POLR3B: variants seen among roughly 807,000 people sequenced by gnomAD.
The protein encoded by POLR3B is DNA-directed RNA polymerase III subunit RPC2.
A neutral mutation model predicts 147.4 loss-of-function variants in POLR3B; 96 were observed. That is an observed-to-expected ratio of 0.65 (90% CI 0.55 to 0.77). The LOEUF (loss-of-function observed/expected upper bound fraction) is 0.77. Among genes scored for constraint, POLR3B ranks in the 30% least tolerant of loss-of-function variants. The probability of loss-of-function intolerance (pLI) is 0.00; values close to 1 mark genes in which losing one functional copy is unlikely to be tolerated. For missense variants in POLR3B, 1,036 were observed against 1,413.5 expected (o/e 0.73, Z 4.28); for synonymous variants, 461 against 485.9 (o/e 0.95, Z 0.67).
intron 9 of POLR3B, among the ~76,000 whole-genome samples, chr12:106,383,977 CAAA>C (rs796136154): frequency 9.2e-6 from 1 of 108,256 alleles, no homozygotes; most frequent in African/African-American, 3.3e-5. Flanking sequence ...GACTCCATCT[CAAA>C]AAAAAAAAAG....
rs144733959 is a variant in POLR3B at position 106,416,588 on chromosome 12, G to T, written c.1101+5628G>T. 6.6e-5 allele frequency among the ~76,000 whole-genome samples: 10 copies of T among 152,258 alleles called. No individual in the cohort carries two copies. The East Asian group carries it at 1.9e-3, about 29-fold the overall frequency. On this transcript the variant is annotated intron_variant, in intron 12 of 27. Transcript: ENST00000228347. ...CAGCAGACCTGAGCTTCAGATGTAGGTTTCAAAGTTTTTAAAGCATGAACT... is the reference window on the plus strand; with the variant it reads ...CAGCAGACCTGAGCTTCAGATGTAGTTTTCAAAGTTTTTAAAGCATGAACT...
At chr12:106,443,612 G>A (rs1005614566) in intron 18 of POLR3B, among the ~76,000 whole-genome samples, 3 of 151,646 alleles carry the variant, frequency 2.0e-5, no homozygotes, top group African/African-American at 7.3e-5. Flanking sequence ...CCGTCTCCTG[G>A]GTTCAAGCAA....
At chr12:106,401,041 G>A (rs1593020030) in intron 10 of POLR3B, among the ~76,000 whole-genome samples, 2 of 152,070 alleles carry the variant, frequency 1.3e-5, no homozygotes, top group Non-Finnish European at 2.9e-5. Flanking sequence ...CCAGCAGCTG[G>A]TTTTTTGAAA....
chr12:106,464,645 C>T (rs564144248), intron 23 of POLR3B, among the ~76,000 whole-genome samples: 8 of 152,076 alleles, frequency 5.3e-5, no homozygotes, highest in Non-Finnish European at 1.0e-4. Flanking sequence ...TAACATTGAC[C>T]ATCTTTTTTT....
rs1376714907 is a variant in POLR3B at position 106,376,398 on chromosome 12, A to G, written c.444A>G (p.Thr148=). 8 of 1,613,620 alleles carry G rather than the reference A, an allele frequency of 5.0e-6. No individual in the cohort carries two copies. Among genetic ancestry groups the G allele is most frequent in the Non-Finnish European group, 6.8e-6 (8 of 1,179,812 alleles). ...TACGTAGTTCAAACTGTGTTCTTAC[A>G]GGAAAAACGCCAGCAGAATTTGCCA... The part of the protein sequence containing the change: ...IMLRSSNCVL[T]GKTPAEFAKL... Residue 148 remains threonine, a synonymous_variant, in exon 7 of 28, where the codon ACA becomes ACG. Transcript: ENST00000228347.
chr12:106,376,227 T>C (rs2036676525), intron 6 of POLR3B, 132 bp from the exon 7 acceptor site: 3 of 699,990 alleles, frequency 4.3e-6, no homozygotes, highest in Non-Finnish European at 7.7e-6. Flanking sequence ...AATTGCTATT[T>C]CTCTGCCTTT....
intron 24 of POLR3B, 106 bp downstream of exon 24, chr12:106,496,264 C>T: frequency 2.5e-6 from 2 of 789,182 alleles, no homozygotes; most frequent in Non-Finnish European, 4.6e-6. Context: ...GCTGTTTTTT[C>T]AGGTAGAGCT....
chr12:106,381,012 A>C (rs1238836663), intron 9 of POLR3B, among the ~76,000 whole-genome samples: 1 of 152,226 alleles, frequency 6.6e-6, no homozygotes, highest in African/African-American at 2.4e-5. Context: ...GTTATGTATA[A>C]AAAATATATG....
chr12:106,435,639 T>C (rs1171115558), intron 16 of POLR3B, among the ~76,000 whole-genome samples: 1 of 152,050 alleles, frequency 6.6e-6, no homozygotes, highest in Non-Finnish European at 1.5e-5. Context: ...GGCTGTAAAA[T>C]GGAAACAATA....
intron 21 of POLR3B, 109 bp from the exon 22 acceptor site, chr12:106,459,142 G>T: frequency 1.3e-6 from 1 of 745,564 alleles, no homozygotes; most frequent in Non-Finnish European, 2.5e-6. Context: ...TCCTACCGCA[G>T]CCTCCTGAGT....
chr12:106,471,945 C>T (rs2038098545), intron 23 of POLR3B, among the ~76,000 whole-genome samples: 1 of 149,422 alleles, frequency 6.7e-6, no homozygotes, highest in Admixed American at 6.7e-5. Context: ...ATGTGCCATG[C>T]TGGTGCGCTG....
At position 106,477,711 on chromosome 12, in the gene POLR3B, C is replaced by T. The variant is rs1224543601; in HGVS notation, c.2713+14091C>T. Among the ~76,000 whole-genome samples the T allele has an allele frequency of 3.9e-5, 6 of 152,036 alleles. No homozygotes were observed. The East Asian group carries it at 1.2e-3, about 29-fold the overall frequency. On this transcript the variant is annotated intron_variant, in intron 23 of 27. Transcript: ENST00000228347. The stretch of plus-strand genomic sequence containing the variant: ...CTTCCCAGGTGAGGCAATGCCTCAC[C>T]CTGCTTCGGCTCGCGCAGGGTACGC...
intron 23 of POLR3B, among the ~76,000 whole-genome samples, chr12:106,481,008 G>GT (rs1200781260): frequency 2.0e-5 from 3 of 152,172 alleles, no homozygotes; most frequent in Non-Finnish European, 2.9e-5. Flanking sequence ...TCTGAGAGAA[G>GT]TAAGAGGGTG....
At chr12:106,360,586 G>A (rs1468352268) in intron 1 of POLR3B, among the ~76,000 whole-genome samples, 1 of 152,106 alleles carries the variant, frequency 6.6e-6, no homozygotes, top group South Asian at 2.1e-4. Flanking sequence ...CAGTGTTTTC[G>A]CTGCAACTTT....
At chr12:106,421,878 T>G (rs906526070) in intron 12 of POLR3B, among the ~76,000 whole-genome samples, 1 of 152,034 alleles carries the variant, frequency 6.6e-6, no homozygotes, top group Non-Finnish European at 1.5e-5. Context: ...TTTTGTATTT[T>G]TAGTAGAGAT....
At chr12:106,444,632 A>G (rs1282056736) in intron 19 of POLR3B, 42 bp downstream of exon 19, 1 of 1,603,994 alleles carries the variant, frequency 6.2e-7, no homozygotes, top group South Asian at 1.1e-5. Context: ...ATACTTGGAA[A>G]TACTTTTGGA....
intron 13 of POLR3B, among the ~76,000 whole-genome samples, chr12:106,427,627 C>A (rs1388043858): frequency 6.6e-6 from 1 of 152,144 alleles, no homozygotes; most frequent in Non-Finnish European, 1.5e-5. Flanking sequence ...AATAACCATT[C>A]TTTTAAAGAA....
chr12:106,468,260 T>G (rs562159072), intron 23 of POLR3B, among the ~76,000 whole-genome samples: 133 of 152,330 alleles, frequency 8.7e-4, no homozygotes, highest in Middle Eastern at 3.4e-3. Context: ...TAATATACTC[T>G]GATGGTAGTT....
chr12:106,423,209 C>G (rs2037394360), intron 12 of POLR3B, among the ~76,000 whole-genome samples: 1 of 152,146 alleles, frequency 6.6e-6, no homozygotes, highest in Non-Finnish European at 1.5e-5. Flanking sequence ...TTTCCCCTCC[C>G]CTTATTCCCC....
Sources: gnomAD v4.1 joint callset for allele counts (sites outside exome capture counted in the v4.1 genomes callset) on GRCh38, gnomAD v4.1.1 for gene constraint, MANE v1.5 for transcripts, NCBI Gene and HGNC (gene_info 2026-07-23, HGNC 2026-07-21) for gene names.